Variants in FRMD1 observed in about 807,000 individuals in gnomAD.
FRMD1 encodes FERM domain-containing protein 1.
Under a neutral mutation model 54.9 loss-of-function variants are expected in FRMD1, and 51 were observed. The observed-to-expected ratio is 0.93, with a 90% confidence interval of 0.74 to 1.17. The LOEUF is 1.17. FRMD1 is among the 50% of genes most tolerant of loss of function. The pLI, the probability that FRMD1 is intolerant of heterozygous loss-of-function variation, is 0.00. For missense variants in FRMD1, 729 were observed against 743.0 expected, an observed-to-expected ratio of 0.98 and a Z score of 0.22; for synonymous variants, 324 against 306.4, an observed-to-expected ratio of 1.06 and a Z score of -0.60.
At chr6:168,078,597 TCTGCTCACCCTCACGGCC>T (rs1291906604) in intron 1 of FRMD1, among the ~76,000 whole-genome samples, 65 of 29,906 alleles carry the variant, frequency 2.2e-3, no homozygotes, top group African/African-American at 7.7e-3. Flanking sequence ...CCCCCACGGC[TCTGCTCACCCTCACGGCC>T]CTGCTCACCC....
At chr6:168,077,343 G>A (rs1041717532) in intron 1 of FRMD1, among the ~76,000 whole-genome samples, 1 of 151,090 alleles carries the variant, frequency 6.6e-6, no homozygotes, top group African/African-American at 2.4e-5. Context: ...AGGGGTTCCT[G>A]TCCAACTGCA....
intron 1 of FRMD1, among the ~76,000 whole-genome samples, chr6:168,089,113 TG>T (rs368339014): frequency 1.4e-3 from 208 of 152,344 alleles, no homozygotes; most frequent in African/African-American, 4.7e-3. Flanking sequence ...GCAGCCTGCC[TG>T]GGGGGCTGCA....
At chr6:168,083,091 G>A (rs139841648), upstream of FRMD1, among the ~76,000 whole-genome samples, 219 of 152,326 alleles carry the variant, frequency 1.4e-3, no homozygotes, top group African/African-American at 4.9e-3. Flanking sequence ...AGGGCAGCTG[G>A]AGACAGCCCT....
intron 10 of FRMD1, among the ~76,000 whole-genome samples, chr6:168,058,255 G>C (rs113779003): frequency 1.8e-4 from 17 of 95,568 alleles, no homozygotes; most frequent in Admixed American, 2.4e-4. Flanking sequence ...GCCCAGCCCT[G>C]TTCTCTCTCC....
chr6:168,067,629 C>T (rs1264737314), intron 2 of FRMD1, 183 bp from the exon 3 acceptor site: 8 of 544,626 alleles, frequency 1.5e-5, no homozygotes, highest in Non-Finnish European at 2.6e-5. Context: ...AACACACATG[C>T]AGGTGTCAAA....
chr6:168,075,886 TCCGGCGTCCCGTGTCC>T lies in FRMD1; in HGVS notation c.214-567_214-552del. The T allele has an allele frequency of 2.4e-5, 9 of 375,774 alleles. 3 individuals carry two copies. The highest frequency in any genetic ancestry group is 4.9e-5 in the South Asian group (1 of 20,456). 23.3% of individuals were successfully genotyped at this position (375,774 alleles called of 1,614,324 possible). On this transcript the variant is annotated intron_variant, in intron 1 of 10. Coordinates refer to ENST00000283309, the MANE Select transcript of FRMD1 (RefSeq NM_024919.6). Reference sequence around the variant, plus strand: ...ATTTCCGGTGCCCGGTGTCCACATTTCCGGCGTCCCGTGTCCACATTTCCGGTGCCCGGTGTCCACA... The same window carrying T: ...ATTTCCGGTGCCCGGTGTCCACATTTACATTTCCGGTGCCCGGTGTCCACA...
intron 7 of FRMD1, 79 bp from the exon 8 acceptor site, chr6:168,062,060 A>G (rs761309257): frequency 1.4e-6 from 2 of 1,459,734 alleles, no homozygotes; most frequent in Non-Finnish European, 1.9e-6. Flanking sequence ...TTTAAATGTC[A>G]GCCATGGCCC....
upstream of FRMD1, among the ~76,000 whole-genome samples, chr6:168,080,062 G>C (rs773682764): frequency 6.6e-6 from 1 of 152,164 alleles, no homozygotes; most frequent in South Asian, 2.1e-4. Flanking sequence ...TGGAGTCTGG[G>C]ATGCTCTGGG....
upstream of FRMD1, among the ~76,000 whole-genome samples, chr6:168,081,141 T>G (rs1800818703): frequency 6.6e-6 from 1 of 152,138 alleles, no homozygotes; most frequent in Non-Finnish European, 1.5e-5. Context: ...AGAGCTGGGC[T>G]TGGGAAGCCC....
In FRMD1 at chr6:168,078,935, T is replaced by C. The variant is rs746628021; in HGVS notation, c.160A>G (p.Arg54Gly). The change falls in exon 1 of 11, where the codon AGG (arginine) becomes GGG (glycine). Residue 54 changes from arginine (R) to glycine (G), a missense_variant. Physicochemically the swap from Arg to Gly is moderately radical, Grantham distance 125. Transcript: ENST00000283309. The part of the protein sequence containing the change: ...LGMDAMASEH[R>G]DVLVLLPSRE... ...CTGGGCAGCAGCACGAGGACATCCC[T>C]GTGTTCCGAGGCCATCGCGTCCATT... The C allele has an allele frequency of 1.9e-6, 3 of 1,608,362 alleles. No homozygotes were observed. Among genetic ancestry groups the C allele is most frequent in the Non-Finnish European group, 2.5e-6 (3 of 1,179,532 alleles).
rs557869161 is a variant in FRMD1 at position 168,075,465 on chromosome 6, C to T, written c.214-130G>A. 6.8e-6 allele frequency: 5 copies of T among 735,468 alleles called. No homozygotes were observed. In the East Asian group the frequency reaches 1.3e-4, roughly 19 times the overall value. The allele number at this position is 735,468 out of a possible 1,614,324, so 45.6% of individuals were successfully genotyped here. A position where few individuals can be genotyped will look rare whatever the true frequency, so the allele number is the denominator to read the frequency against. On this transcript the variant is annotated intron_variant, in intron 1 of 10. Coordinates refer to ENST00000283309, the MANE Select transcript of FRMD1 (RefSeq NM_024919.6). ...CAGGCATCCCCTGCAGGTAACAGGTCTGGGTCTCTCACTCTCTCCCAAAGC... is the reference window on the plus strand; with the variant it reads ...CAGGCATCCCCTGCAGGTAACAGGTTTGGGTCTCTCACTCTCTCCCAAAGC...
intron 1 of FRMD1, chr6:168,075,704 T>A (rs1475169345): frequency 2.0e-6 from 3 of 1,487,000 alleles, no homozygotes. Flanking sequence ...AAATGAATGC[T>A]TGGTTCCCCA....
intron 7 of FRMD1, 47 bp from the exon 8 acceptor site, chr6:168,062,028 G>T: frequency 6.5e-7 from 1 of 1,535,426 alleles, no homozygotes; most frequent in Admixed American, 1.9e-5. Context: ...GGAAAACCAC[G>T]CTAGCCACAG....
At chr6:168,062,090 G>T (rs1799774161) in intron 7 of FRMD1, 109 bp from the exon 8 acceptor site, 2 of 1,170,654 alleles carry the variant, frequency 1.7e-6, no homozygotes, top group Middle Eastern at 2.9e-4. Flanking sequence ...CGAGGCCCAG[G>T]TTTTCACTTC....
At chr6:168,079,965 G>A (rs79526815), upstream of FRMD1, among the ~76,000 whole-genome samples, 9,783 of 152,188 alleles carry the variant, frequency 0.064, 333 homozygotes, top group South Asian at 0.08. Flanking sequence ...CCAGACCTTT[G>A]GGCGCTGCAG....
intron 1 of FRMD1, among the ~76,000 whole-genome samples, chr6:168,090,493 G>A (rs536844568): frequency 3.3e-5 from 5 of 152,242 alleles, no homozygotes; most frequent in South Asian, 2.1e-4. Context: ...CTTTCCCAGC[G>A]TGGCTGCCCA....
At chr6:168,081,320 C>T (rs1800823447), upstream of FRMD1, 5 of 1,494,686 alleles carry the variant, frequency 3.3e-6, no homozygotes, top group South Asian at 1.3e-5. Flanking sequence ...AGAGGCGTGA[C>T]CGGGCCCCAA....
chr6:168,064,432 A>AG (rs1799920525), intron 5 of FRMD1, among the ~76,000 whole-genome samples: 1 of 152,156 alleles, frequency 6.6e-6, no homozygotes, highest in Non-Finnish European at 1.5e-5. Context: ...CCCTCCTCCC[A>AG]GGGGGATGCC....
At chr6:168,075,591 T>C (rs1583201747) in intron 1 of FRMD1, 2 of 740,838 alleles carry the variant, frequency 2.7e-6, no homozygotes, top group East Asian at 5.4e-5. Context: ...GCCCCCTCCA[T>C]CCCTGTCTGT....
Sources: gnomAD v4.1 joint callset for allele counts (sites outside exome capture counted in the v4.1 genomes callset) on GRCh38, gnomAD v4.1.1 for gene constraint, MANE v1.5 for transcripts, NCBI Gene and HGNC (gene_info 2026-07-23, HGNC 2026-07-21) for gene names.